NPHS2: variants seen among roughly 807,000 people sequenced by gnomAD.
NPHS2 encodes the protein NPHS2 stomatin family member, podocin, also known as podocin.
A neutral mutation model predicts 37.1 loss-of-function variants in NPHS2; 36 were observed. The ratio of observed to expected loss-of-function variants is 0.97; its 90% CI spans 0.74 to 1.28. NPHS2 has a LOEUF of 1.28. NPHS2 is among the 50% of genes most tolerant of loss of function. NPHS2 has a pLI of 0.00. For synonymous variants in NPHS2, 196 were observed against 189.3 expected (o/e 1.04, Z -0.29); for missense variants, 447 against 488.1 (o/e 0.92, Z 0.79).
chr1:179,560,161 C>T (rs1674081889), intron 3 of NPHS2, among the ~76,000 whole-genome samples: 1 of 151,930 alleles, frequency 6.6e-6, no homozygotes, highest in African/African-American at 2.4e-5. Context: ...ATGAGTGTAC[C>T]CAGGTGTCAA....
chr1:179,552,758 C>G, intron 6 of NPHS2, 77 bp from the exon 7 acceptor site: 1 of 1,093,958 alleles, frequency 9.1e-7, no homozygotes, highest in Non-Finnish European at 1.4e-6. Context: ...GACTTGCAAG[C>G]CTCTCTACTG....
At chr1:179,555,515 T>G (rs913516) in intron 5 of NPHS2, among the ~76,000 whole-genome samples, 12,861 of 152,250 alleles carry the variant, frequency 0.084, 612 homozygotes, top group East Asian at 0.089. Flanking sequence ...TCTCATTATT[T>G]TTTAGTGGTT....
chr1:179,561,580 G>C (rs1674139686), intron 2 of NPHS2, among the ~76,000 whole-genome samples: 1 of 152,138 alleles, frequency 6.6e-6, no homozygotes, highest in Non-Finnish European at 1.5e-5. Context: ...CCCATAGACA[G>C]AATTTTGATT....
In NPHS2 at chr1:179,556,396, C is replaced by T. The variant is rs944363866; in HGVS notation, c.738+631G>A. ...CACTTCTCCTCTGAATACCTGTTGC[C>T]TACCTGCCTTGGTAAGAATCAAAGC... On this transcript the variant is annotated intron_variant, in intron 5 of 7. Coordinates refer to ENST00000367615, the MANE Select transcript of NPHS2 (RefSeq NM_014625.4). The surrounding 1 kb of genome is among the most constrained non-coding windows in gnomAD (Gnocchi z 4.1). Among the ~76,000 whole-genome samples, 1 of 152,174 alleles carries T rather than the reference C, an allele frequency of 6.6e-6. No individual in the cohort carries two copies.
At chr1:179,554,078 A>G (rs981243704) in intron 6 of NPHS2, among the ~76,000 whole-genome samples, 1 of 152,018 alleles carries the variant, frequency 6.6e-6, no homozygotes, top group Admixed American at 6.6e-5. Context: ...ACGCCCAGCT[A>G]ATTTTTGCAT....
At chr1:179,564,851 T>A in intron 1 of NPHS2, 58 bp from the exon 2 acceptor site, 1 of 1,330,946 alleles carries the variant, frequency 7.5e-7, no homozygotes, top group Non-Finnish European at 1.1e-6. Flanking sequence ...ATTCACTGAC[T>A]AGCATCTGTT....
At position 179,550,696 on chromosome 1, in the gene NPHS2, T is replaced by A. The variant is rs1673128817; in HGVS notation, c.*477A>T. ...GTGGAGCAAAAAGATTGAGTGTGGT[T>A]GAGGAAAACTAAGACTTGGTAGTAT... On this transcript the variant is annotated 3_prime_UTR_variant, in exon 8 of 8. Coordinates refer to ENST00000367615, the MANE Select transcript of NPHS2 (RefSeq NM_014625.4). 1.0e-5 allele frequency: 2 copies of A among 190,760 alleles called. No homozygotes were observed. The highest frequency in any genetic ancestry group is 5.3e-5 in the Admixed American group (1 of 18,816). 11.8% of individuals were successfully genotyped at this position (190,760 alleles called of 1,614,324 possible).
In NPHS2 at chr1:179,575,850, C is replaced by A; in HGVS notation, c.15G>T (p.Ala5=). The A allele has an allele frequency of 7.0e-7, 1 of 1,425,776 alleles. No homozygotes were observed. Among genetic ancestry groups the A allele is most frequent in the African/African-American group, 1.5e-5 (1 of 66,900 alleles). The allele number at this position is 1,425,776 out of a possible 1,614,324, so 88.3% of individuals were successfully genotyped here. Residue 5 remains alanine, a synonymous_variant, in exon 1 of 8, where the codon GCG becomes GCT. Coordinates refer to ENST00000367615, the MANE Select transcript of NPHS2 (RefSeq NM_014625.4). MERR[A]RSSSRESRGR... ...CGCGGGACTCCCTGGAGGAGCTCCGCGCCCTCCTCTCCATCCTCAGAGCTG... is the reference window on the plus strand; with the variant it reads ...CGCGGGACTCCCTGGAGGAGCTCCGAGCCCTCCTCTCCATCCTCAGAGCTG...
At chr1:179,559,915 A>G (rs993606065) in intron 3 of NPHS2, among the ~76,000 whole-genome samples, 154 bp from the exon 4 acceptor site, 2 of 152,176 alleles carry the variant, frequency 1.3e-5, no homozygotes, top group African/African-American at 4.8e-5. Context: ...GGGTAAAAGG[A>G]GAGCACTATT....
chr1:179,554,343 TTC>T, intron 6 of NPHS2, 131 bp downstream of exon 6: 1 of 1,032,186 alleles, frequency 9.7e-7, no homozygotes. Context: ...GGTGATTTGT[TTC>T]TCTTTTTTAT....
At position 179,557,056 on chromosome 1, in the gene NPHS2, C is replaced by G. The variant is rs146906190; in HGVS notation, c.709G>C (p.Glu237Gln). Reference protein sequence around the residue: ...AHRSLTEILLERKSIAQDAKV... With the variant: ...AHRSLTEILLQRKSIAQDAKV... Reference sequence around the variant, plus strand: ...GCATCTTGGGCGATGCTCTTCCTCTCTAGAAGAATTTCAGTGAGGGATCGA... The same window carrying G: ...GCATCTTGGGCGATGCTCTTCCTCTGTAGAAGAATTTCAGTGAGGGATCGA... Residue 237 changes from glutamate (E) to glutamine (Q), a missense_variant, in exon 5 of 8, where the codon GAG becomes CAG. By Grantham distance (29) the Glu-to-Gln change is conservative. Coordinates refer to ENST00000367615, the MANE Select transcript of NPHS2 (RefSeq NM_014625.4). 851 of 1,613,950 alleles carry G rather than the reference C, an allele frequency of 5.3e-4. 6 individuals carry two copies. In the Middle Eastern group the frequency reaches 0.016, roughly 31 times the overall value.
At chr1:179,573,335 G>A (rs913727695) in intron 1 of NPHS2, among the ~76,000 whole-genome samples, 1 of 152,294 alleles carries the variant, frequency 6.6e-6, no homozygotes, top group Non-Finnish European at 1.5e-5. Context: ...GCCATCCTAC[G>A]AAATACTAAT....
At position 179,551,092 on chromosome 1, in the gene NPHS2, G is replaced by A; in HGVS notation, c.*81C>T. On this transcript the variant is annotated 3_prime_UTR_variant, in exon 8 of 8. Transcript: ENST00000367615. ...ATATGGCAACCAAAGGAAGGGCAGG[G>A]AATGAGGACAGAGTGTCTCCCTCAG... 6.4e-7 allele frequency: 1 copy of A among 1,569,022 alleles called. No homozygotes were observed. Among genetic ancestry groups the A allele is most frequent in the East Asian group, 2.2e-5 (1 of 44,572 alleles).
intron 2 of NPHS2, among the ~76,000 whole-genome samples, chr1:179,563,091 T>G (rs1437860041): frequency 6.6e-6 from 1 of 152,140 alleles, no homozygotes; most frequent in Non-Finnish European, 1.5e-5. Flanking sequence ...ACACTTTATA[T>G]TCAAAGATAT....
intron 4 of NPHS2, 53 bp from the exon 5 acceptor site, chr1:179,557,283 T>C (rs761684560): frequency 5.5e-6 from 8 of 1,455,554 alleles, no homozygotes; most frequent in South Asian, 3.4e-5. Context: ...TCCTTTCCTA[T>C]GTGGGGTTAG....
intron 4 of NPHS2, among the ~76,000 whole-genome samples, chr1:179,557,597 C>T (rs1279422310): frequency 5.9e-5 from 9 of 152,118 alleles, no homozygotes; most frequent in South Asian, 2.1e-4. Flanking sequence ...CTAGAGTGTA[C>T]GTTAGGGGAT....
chr1:179,557,708 T>TA (rs1351100177), intron 4 of NPHS2, among the ~76,000 whole-genome samples: 2 of 152,210 alleles, frequency 1.3e-5, no homozygotes, highest in Non-Finnish European at 2.9e-5. Flanking sequence ...TATAAGGATG[T>TA]TACTCACAGT....
In NPHS2 at chr1:179,575,912, G is replaced by T. The variant is rs780873703; in HGVS notation, c.-48C>A. ...GAGCAGCAGCGCGGGAGCGCTAGGG[G>T]CACGGGAGCGCAGTCCCTGTGGAGT... On this transcript the variant is annotated 5_prime_UTR_variant, in exon 1 of 8. Coordinates refer to ENST00000367615, the MANE Select transcript of NPHS2 (RefSeq NM_014625.4). 2.9e-5 allele frequency: 40 copies of T among 1,360,170 alleles called. No homozygotes were observed. The highest frequency in any genetic ancestry group is 2.3e-4 in the East Asian group (8 of 34,742). The allele number at this position is 1,360,170 out of a possible 1,614,324, so 84.3% of individuals were successfully genotyped here.
Position 179,574,541 on chromosome 1 carries a change from G to C in NPHS2, c.274+1050C>G, listed in dbSNP as rs143035905. Among the ~76,000 whole-genome samples the C allele has an allele frequency of 2.5e-3, 379 of 152,238 alleles. 2 individuals carry two copies. The highest frequency in any genetic ancestry group is 8.8e-3 in the African/African-American group (367 of 41,544). ...ACCCAGCAACCATTTACTGAACAGAGGTTTCTGACTGATGAAAGGGTATCA... is the reference window on the plus strand; with the variant it reads ...ACCCAGCAACCATTTACTGAACAGACGTTTCTGACTGATGAAAGGGTATCA... On this transcript the variant is annotated intron_variant, in intron 1 of 7. Coordinates refer to ENST00000367615, the MANE Select transcript of NPHS2 (RefSeq NM_014625.4).
Sources: allele counts gnomAD v4.1 joint callset (sites outside exome capture counted in the v4.1 genomes callset), GRCh38; gene constraint gnomAD v4.1.1; non-coding constraint Gnocchi (gnomAD v3.1); transcripts MANE v1.5; gene names NCBI Gene and HGNC (gene_info 2026-07-23, HGNC 2026-07-21).